PSME4: variants seen among roughly 807,000 people sequenced by gnomAD.
PSME4 encodes the protein proteasome activator complex subunit 4.
In PSME4, 89 loss-of-function variants were observed where a neutral mutation model predicts 253.9. That is an observed-to-expected ratio of 0.35 (90% confidence interval 0.30 to 0.42). The LOEUF (loss-of-function observed/expected upper bound fraction) is 0.42. PSME4 is among the 10% of genes least tolerant of loss of function. The pLI, the probability that PSME4 is intolerant of heterozygous loss-of-function variation, is 1.00. For missense variants in PSME4, 2,014 were observed against 2,195.2 expected (o/e 0.92, Z 1.65); for synonymous variants, 851 against 759.2 (o/e 1.12, Z -1.99).
chr2:53,958,266 G>A (rs374821678), intron 1 of PSME4, among the ~76,000 whole-genome samples: 39 of 151,710 alleles, frequency 2.6e-4, no homozygotes, highest in African/African-American at 9.2e-4. Context: ...TGAGGTGGGA[G>A]AACTGCTTAA....
Position 53,869,368 on chromosome 2 carries a change from A to G in PSME4, c.5263+8T>C. ...TAGGATACAGGTGTTTCCTACCAGC[A>G]ATGTTACCTGCAGAAGGAATGGTAT... On this transcript the variant is annotated splice_region_variant and intron_variant, in intron 44 of 46. Transcript: ENST00000404125. 6.3e-7 allele frequency: 1 copy of G among 1,595,892 alleles called. No individual in the cohort carries two copies. Among genetic ancestry groups the G allele is most frequent in the Non-Finnish European group, 8.6e-7 (1 of 1,166,178 alleles).
At chr2:53,885,103 T>C (rs539292189) in intron 41 of PSME4, among the ~76,000 whole-genome samples, 1 of 152,218 alleles carries the variant, frequency 6.6e-6, no homozygotes, top group Non-Finnish European at 1.5e-5. Flanking sequence ...CATATCATTA[T>C]TGCAAACTAT....
intron 1 of PSME4, among the ~76,000 whole-genome samples, chr2:53,959,477 C>T (rs1316112600): frequency 6.6e-6 from 1 of 152,180 alleles, no homozygotes; most frequent in Non-Finnish European, 1.5e-5. Context: ...GAACGACCCC[C>T]TCAATTAATT....
intron 8 of PSME4, among the ~76,000 whole-genome samples, chr2:53,933,967 A>C (rs1271748953): frequency 6.6e-6 from 1 of 151,818 alleles, no homozygotes; most frequent in East Asian, 1.9e-4. Flanking sequence ...ACTTTTAAAC[A>C]AAAAAAAATT....
intron 1 of PSME4, among the ~76,000 whole-genome samples, chr2:53,969,150 C>A (rs1387781084): frequency 6.6e-6 from 1 of 152,068 alleles, no homozygotes; most frequent in Non-Finnish European, 1.5e-5. Context: ...ATAAAATATT[C>A]TTTTTTGACT....
intron 42 of PSME4, among the ~76,000 whole-genome samples, chr2:53,875,129 T>C (rs1679061755): frequency 6.6e-6 from 1 of 152,240 alleles, no homozygotes; most frequent in Non-Finnish European, 1.5e-5. Flanking sequence ...TTGTAGGTTG[T>C]TGAAAATATT....
intron 7 of PSME4, among the ~76,000 whole-genome samples, chr2:53,935,605 A>G (rs914257747): frequency 6.6e-6 from 1 of 152,206 alleles, no homozygotes; most frequent in Non-Finnish European, 1.5e-5. Flanking sequence ...CGGTACACAA[A>G]ATCCATTGGA....
In PSME4 at chr2:53,948,474, T is replaced by C. The variant is rs1446309903; in HGVS notation, c.447A>G (p.Val149=). 5 of 1,613,708 alleles carry C rather than the reference T, an allele frequency of 3.1e-6. No individual in the cohort carries two copies. In the South Asian group the frequency reaches 3.3e-5, roughly 11 times the overall value. The change falls in exon 3 of 47, where the codon GTA becomes GTG. Residue 149 remains valine, a synonymous_variant. Transcript: ENST00000404125. ...CTGTCTTGGAATATAATATTCTTTC[T>C]ACCATGTCATAAAGTGGTCTCCAGG... ...ELPWRPLYDM[V]ERILYSKTEH... is the part of the protein sequence containing the mutation.
At chr2:53,940,381 CAG>C (rs1376756417) in intron 3 of PSME4, among the ~76,000 whole-genome samples, 1 of 152,050 alleles carries the variant, frequency 6.6e-6, no homozygotes, top group Non-Finnish European at 1.5e-5. Flanking sequence ...AAGCAGCAGA[CAG>C]ACCAAAATCT....
At chr2:53,954,616 A>C (rs1481740213) in intron 1 of PSME4, among the ~76,000 whole-genome samples, 1 of 152,202 alleles carries the variant, frequency 6.6e-6, no homozygotes, top group African/African-American at 2.4e-5. Flanking sequence ...AGGCAGGCAG[A>C]TCACTTGAGG....
chr2:53,963,936 A>G (rs929993666), intron 1 of PSME4, among the ~76,000 whole-genome samples: 10 of 152,234 alleles, frequency 6.6e-5, no homozygotes, highest in Admixed American at 2.6e-4. Context: ...TGAAAAGAAC[A>G]TAACTGGCCA....
intron 1 of PSME4, among the ~76,000 whole-genome samples, chr2:53,963,270 A>AG (rs1491138547): frequency 1.3e-5 from 2 of 151,940 alleles, no homozygotes; most frequent in Non-Finnish European, 2.9e-5. Context: ...AGGTTAAAAC[A>AG]GGGGGGTATG....
Position 53,970,766 on chromosome 2 carries a change from C to G in PSME4, c.19G>C (p.Ala7Pro). 1 of 1,543,450 alleles carries G rather than the reference C, an allele frequency of 6.5e-7. No individual in the cohort carries two copies. The highest frequency in any genetic ancestry group is 2.0e-5 in the Admixed American group (1 of 50,488). ...GGCTCCGGGGGCTCTCCGACTCCCG[C>G]CCGCTCGGCCGGCTCCATGAGCCCA... The part of the protein sequence containing the change: MEPAER[A>P]GVGEPPEPGG... The change falls in exon 1 of 47, where the codon GCG (alanine) becomes CCG (proline). Residue 7 changes from alanine to proline, a missense_variant. Around this residue, in one of 4 missense-constraint regions of PSME4, gnomAD observed 615 missense variants for 594.4 expected, o/e 1.03. Coordinates refer to ENST00000404125, the MANE Select transcript of PSME4 (RefSeq NM_014614.3).
chr2:53,959,387 A>T (rs183136938), intron 1 of PSME4, among the ~76,000 whole-genome samples: 2 of 152,122 alleles, frequency 1.3e-5, no homozygotes, highest in East Asian at 1.9e-4. Flanking sequence ...GGGGAAAAAA[A>T]GCTGCTTAAT....
chr2:53,940,948 T>TATATA (rs1232215835), intron 3 of PSME4, among the ~76,000 whole-genome samples: 451 of 18,422 alleles, frequency 0.024, 22 homozygotes, highest in African/African-American at 0.062. Flanking sequence ...TAAATATATA[T>TATATA]ATACATATAT....
chr2:53,955,399 G>A (rs1047474768), intron 1 of PSME4, among the ~76,000 whole-genome samples: 4 of 152,126 alleles, frequency 2.6e-5, no homozygotes, highest in African/African-American at 9.7e-5. Context: ...AAGCTCATCA[G>A]CTATCATTAG....
intron 3 of PSME4, among the ~76,000 whole-genome samples, chr2:53,945,015 T>C (rs1669636968): frequency 6.6e-6 from 1 of 152,188 alleles, no homozygotes; most frequent in South Asian, 2.1e-4. Flanking sequence ...GTAAACAAGT[T>C]ATGTAGGCCC....
At chr2:53,919,088 T>G (rs1215397203) in intron 20 of PSME4, 63 bp downstream of exon 20, 3 of 1,466,114 alleles carry the variant, frequency 2.0e-6, no homozygotes, top group African/African-American at 2.8e-5. Flanking sequence ...AACAAACCAA[T>G]AACTCATTAA....
At chr2:53,921,781 T>C (rs1466141264) in intron 17 of PSME4, among the ~76,000 whole-genome samples, 2 of 134,144 alleles carry the variant, frequency 1.5e-5, no homozygotes, top group Admixed American at 7.6e-5. Flanking sequence ...GGCAGGAGAA[T>C]GGCGTGAACC....
Sources: allele counts gnomAD v4.1 joint callset (sites outside exome capture counted in the v4.1 genomes callset), GRCh38; gene constraint gnomAD v4.1.1; regional missense constraint gnomAD v4.1.1; transcripts MANE v1.5; gene names NCBI Gene and HGNC (gene_info 2026-07-23, HGNC 2026-07-21).